The following IFTAP variants were observed in gnomAD, a reference collection of about 807,000 sequenced individuals.
IFTAP encodes the protein intraflagellar transport associated protein.
A neutral mutation model predicts 19.4 loss-of-function variants in IFTAP; 19 were observed. The ratio of observed to expected loss-of-function variants is 0.98; its 90% CI spans 0.68 to 1.44. IFTAP has a LOEUF of 1.44. IFTAP is among the 40% of genes most tolerant of loss of function. The probability of loss-of-function intolerance (pLI) is 0.00; values close to 1 mark genes in which losing one functional copy is unlikely to be tolerated. For missense variants in IFTAP, 240 were observed against 253.6 expected (o/e 0.95, Z 0.36); for synonymous variants, 85 against 83.5 (o/e 1.02, Z -0.10).
At chr11:36,606,985 T>C (rs951291795) in intron 1 of IFTAP, among the ~76,000 whole-genome samples, 4 of 152,256 alleles carry the variant, frequency 2.6e-5, no homozygotes, top group African/African-American at 9.6e-5. Flanking sequence ...GCATAAGCCA[T>C]AACCAGTGCT....
intron 5 of IFTAP, 118 bp downstream of exon 5, chr11:36,648,273 G>A: frequency 2.3e-6 from 3 of 1,296,816 alleles, no homozygotes; most frequent in South Asian, 1.5e-5. Flanking sequence ...TAAAATTCAA[G>A]TTGCTTAATT....
At chr11:36,620,062 TGCATCCCAA>T (rs1852238774) in intron 2 of IFTAP, among the ~76,000 whole-genome samples, 1 of 152,058 alleles carries the variant, frequency 6.6e-6, no homozygotes, top group Non-Finnish European at 1.5e-5. Flanking sequence ...TAATTAATCT[TGCATCCCAA>T]GGGAGCGAGT....
chr11:36,610,740 C>T (rs1485228173), intron 2 of IFTAP, among the ~76,000 whole-genome samples: 2 of 151,964 alleles, frequency 1.3e-5, no homozygotes, highest in Non-Finnish European at 2.9e-5. Flanking sequence ...TGAGATAATC[C>T]ATGTGAAACT....
At chr11:36,599,367 G>T (rs951913917) in intron 1 of IFTAP, among the ~76,000 whole-genome samples, 1 of 152,258 alleles carries the variant, frequency 6.6e-6, no homozygotes, top group African/African-American at 2.4e-5. Context: ...TTGGTCATTT[G>T]ATCAGTTTCC....
At chr11:36,646,547 G>A (rs554251626) in intron 4 of IFTAP, among the ~76,000 whole-genome samples, 17 of 152,182 alleles carry the variant, frequency 1.1e-4, no homozygotes, top group Admixed American at 9.2e-4. Flanking sequence ...ATGCTAATGT[G>A]TTATAGTAGT....
intron 1 of IFTAP, among the ~76,000 whole-genome samples, chr11:36,597,333 A>C (rs867803): frequency 0.1 from 15,463 of 152,258 alleles, 1,001 homozygotes; most frequent in African/African-American, 0.17. Flanking sequence ...TACTATATCT[A>C]AAATAACCTA....
chr11:36,639,317 G>T (rs985018276), intron 4 of IFTAP, among the ~76,000 whole-genome samples: 1 of 151,728 alleles, frequency 6.6e-6, no homozygotes, highest in Admixed American at 6.6e-5. Flanking sequence ...TTGGTCAGCG[G>T]GTGTACTTAT....
At chr11:36,598,597 G>A (rs915120997) in intron 1 of IFTAP, among the ~76,000 whole-genome samples, 5 of 152,142 alleles carry the variant, frequency 3.3e-5, no homozygotes, top group Non-Finnish European at 7.4e-5. Flanking sequence ...GTACTCTTTT[G>A]TGGTCTCATT....
At chr11:36,613,894 T>C in intron 2 of IFTAP, among the ~76,000 whole-genome samples, 1 of 144,624 alleles carries the variant, frequency 6.9e-6, no homozygotes, top group Admixed American at 7.2e-5. Flanking sequence ...GAGTTACTTC[T>C]TTTTTTGTTG....
At chr11:36,621,777 G>A (rs752941794) in intron 2 of IFTAP, among the ~76,000 whole-genome samples, 5 of 152,026 alleles carry the variant, frequency 3.3e-5, no homozygotes, top group Non-Finnish European at 7.4e-5. Flanking sequence ...TTCATCAGCT[G>A]ATATGTCATT....
In IFTAP at chr11:36,651,837, A is replaced by T. The variant is rs534480222; in HGVS notation, c.498+3682A>T. Among the ~76,000 whole-genome samples, 180 of 152,202 alleles carry T rather than the reference A, an allele frequency of 1.2e-3. 1 individual carries two copies. Among genetic ancestry groups the T allele is most frequent in the African/African-American group, 4.2e-3 (175 of 41,526 alleles). On this transcript the variant is annotated intron_variant, in intron 5 of 5. Transcript: ENST00000334307. Reference sequence around the variant, plus strand: ...CCTTTCCCCATCTCTTGTTTTTGTCAGGTTTGTCAAAGATGAGATGGTTGT... The same window carrying T: ...CCTTTCCCCATCTCTTGTTTTTGTCTGGTTTGTCAAAGATGAGATGGTTGT...
chr11:36,628,850 CTG>C lies in IFTAP; in HGVS notation c.137-4431_137-4430del, dbSNP rs928088930. 4.6e-5 allele frequency among the ~76,000 whole-genome samples: 7 copies of C among 151,066 alleles called. 1 individual carries two copies. The highest frequency in any genetic ancestry group is 1.7e-4 in the African/African-American group (7 of 40,414). ...TGCCTTGGCAGGTTGATGGCTATGA[CTG>C]TGAATAATGAGTCAATTATCATCCA... On this transcript the variant is annotated intron_variant, in intron 2 of 5. Transcript: ENST00000334307.
intron 1 of IFTAP, among the ~76,000 whole-genome samples, chr11:36,602,191 G>C (rs1851534496): frequency 6.6e-6 from 1 of 152,156 alleles, no homozygotes. Flanking sequence ...CTTCTTTTAA[G>C]AGAATGCCAA....
intron 5 of IFTAP, 80 bp downstream of exon 5, chr11:36,648,235 C>A: frequency 6.9e-7 from 1 of 1,458,916 alleles, no homozygotes; most frequent in Admixed American, 2.2e-5. Flanking sequence ...CTGCATGCTT[C>A]TGTATTTTTC....
At chr11:36,631,264 T>A (rs766556796) in intron 2 of IFTAP, among the ~76,000 whole-genome samples, 1 of 151,238 alleles carries the variant, frequency 6.6e-6, no homozygotes, top group Non-Finnish European at 1.5e-5. Context: ...AAGTCACTGG[T>A]GCTGGTGCAG....
In IFTAP at chr11:36,621,081, ATTTG is replaced by A. The variant is rs574261174; in HGVS notation, c.136+10846_136+10849del. ...TTTAAACAATATTAAGTGGGTGCAT[ATTTG>A]TTTTATATGCATTTCTCTTTAACTT... On this transcript the variant is annotated intron_variant, in intron 2 of 5. Transcript: ENST00000334307. Among the ~76,000 whole-genome samples, 216 of 152,000 alleles carry A rather than the reference ATTTG, an allele frequency of 1.4e-3. 1 individual carries two copies. The highest frequency in any genetic ancestry group is 5.0e-3 in the African/African-American group (207 of 41,498).
chr11:36,597,219 T>C (rs1851305100), intron 1 of IFTAP, among the ~76,000 whole-genome samples: 1 of 152,220 alleles, frequency 6.6e-6, no homozygotes, highest in Non-Finnish European at 1.5e-5. Context: ...CTTTATCAAC[T>C]TGAATATATT....
At chr11:36,643,026 A>G (rs1414856918) in intron 4 of IFTAP, among the ~76,000 whole-genome samples, 2 of 152,188 alleles carry the variant, frequency 1.3e-5, no homozygotes, top group Non-Finnish European at 1.5e-5. Context: ...GGCAGGAGAA[A>G]GAAATAAAGG....
intron 5 of IFTAP, among the ~76,000 whole-genome samples, chr11:36,650,486 A>C (rs1381037009): frequency 6.6e-6 from 1 of 150,962 alleles, no homozygotes; most frequent in Non-Finnish European, 1.5e-5. Context: ...CATATCCATC[A>C]CTTCAAACAT....
Sources: gnomAD v4.1 joint callset for allele counts (sites outside exome capture counted in the v4.1 genomes callset) on GRCh38, gnomAD v4.1.1 for gene constraint, MANE v1.5 for transcripts, NCBI Gene and HGNC (gene_info 2026-07-23, HGNC 2026-07-21) for gene names.